Variants in ABR observed in about 807,000 individuals in gnomAD.
The protein encoded by ABR is ABR activator of RhoGEF and GTPase, also known as active breakpoint cluster region-related protein.
A neutral mutation model predicts 107.2 loss-of-function variants in ABR; 35 were observed. The ratio of observed to expected loss-of-function variants is 0.33; its 90% confidence interval spans 0.25 to 0.43. The LOEUF is 0.43. Among genes scored for constraint, ABR ranks in the 20% least tolerant of loss-of-function variants. The pLI is 1.00. For synonymous variants in ABR, 498 were observed against 462.0 expected, an observed-to-expected ratio of 1.08 and a Z score of -1.00; for missense variants, 815 against 1,115.2, an observed-to-expected ratio of 0.73 and a Z score of 3.83.
At position 1,113,080 on chromosome 17, in the gene ABR, C is replaced by T. The variant is rs574386237; in HGVS notation, c.246+12103G>A. On this transcript the variant is annotated intron_variant, in intron 2 of 22. Transcript: ENST00000302538. ...TGTGCACCAGGCAGTGTGCTAGCATCGGAATGCAGCCATGGACAGGGAACC... is the reference window on the plus strand; with the variant it reads ...TGTGCACCAGGCAGTGTGCTAGCATTGGAATGCAGCCATGGACAGGGAACC... 5.3e-5 allele frequency among the ~76,000 whole-genome samples: 8 copies of T among 149,778 alleles called. No homozygotes were observed. The South Asian group carries it at 1.7e-3, about 31-fold the overall frequency.
chr17:1,088,299 G>A (rs1269870016), intron 4 of ABR, among the ~76,000 whole-genome samples: 2 of 152,054 alleles, frequency 1.3e-5, no homozygotes, highest in Non-Finnish European at 2.9e-5. Flanking sequence ...GAGGGATGAG[G>A]AGAGGATGCC....
upstream of ABR, among the ~76,000 whole-genome samples, chr17:1,183,026 C>G (rs759824800): frequency 6.6e-6 from 1 of 152,276 alleles, no homozygotes; most frequent in Admixed American, 6.5e-5. Flanking sequence ...GGAGATCCAA[C>G]GTCACGCGCT....
intron 1 of ABR, among the ~76,000 whole-genome samples, chr17:1,214,470 A>C (rs1047676691): frequency 2.6e-5 from 4 of 152,178 alleles, no homozygotes; most frequent in African/African-American, 9.7e-5. Context: ...TAGCAATTTA[A>C]AGGAATATAA....
chr17:1,032,445 C>T lies in ABR; in HGVS notation c.1791+17605G>A, dbSNP rs576359988. On this transcript the variant is annotated intron_variant, in intron 16 of 22. Coordinates refer to ENST00000302538, the MANE Select transcript of ABR (RefSeq NM_021962.5). The stretch of plus-strand genomic sequence containing the variant: ...ACAGGAGCAAAAGCCCGAAACGACG[C>T]GGGTCACACGTCCAGCCAGAGATGC... Among the ~76,000 whole-genome samples, 11 of 152,306 alleles carry T rather than the reference C, an allele frequency of 7.2e-5. No individual in the cohort carries two copies. In the South Asian group the frequency reaches 1.9e-3, roughly 26 times the overall value.
intron 14 of ABR, among the ~76,000 whole-genome samples, chr17:1,052,059 G>C (rs1164568354): frequency 6.6e-6 from 1 of 150,600 alleles, no homozygotes; most frequent in African/African-American, 2.4e-5. Flanking sequence ...GGGCGACCAA[G>C]TGACTCTTTC....
chr17:1,197,360 G>C (rs868459191), intron 1 of ABR, among the ~76,000 whole-genome samples: 8 of 151,502 alleles, frequency 5.3e-5, no homozygotes, highest in Middle Eastern at 3.2e-3. Flanking sequence ...GAAAAAAATT[G>C]GGCAGGGTCA....
rs1309155049 is a variant in ABR, at chr17:1,154,884, C to G, written c.61+24783G>C. The G allele has an allele frequency of 1.3e-5, 2 of 152,412 alleles. No individual in the cohort carries two copies. Among genetic ancestry groups the G allele is most frequent in the Non-Finnish European group, 2.9e-5 (2 of 68,196 alleles). The allele number at this position is 152,412 out of a possible 1,614,324, so 9.4% of individuals were successfully genotyped here. ...CCACCCTGCATTTGTTCCCTCCTAC[C>G]TGGCCCTCACCAAGGCATCCACCCA... On this transcript the variant is annotated intron_variant, in intron 1 of 22. Coordinates refer to ENST00000302538, the MANE Select transcript of ABR (RefSeq NM_021962.5). The surrounding 1 kb of genome is among the most constrained non-coding windows in gnomAD (Gnocchi z 4.0).
intron 1 of ABR, among the ~76,000 whole-genome samples, chr17:1,134,595 C>T (rs34962013): frequency 0.058 from 8,791 of 152,222 alleles, 358 homozygotes; most frequent in Middle Eastern, 0.15. Flanking sequence ...AAATGATATC[C>T]TCACAGCCCA....
intron 16 of ABR, among the ~76,000 whole-genome samples, chr17:1,049,118 G>A (rs1481736915): frequency 6.6e-6 from 1 of 152,094 alleles, no homozygotes; most frequent in Non-Finnish European, 1.5e-5. Flanking sequence ...ACACACAGAG[G>A]CCTTTTCCCT....
intron 16 of ABR, among the ~76,000 whole-genome samples, chr17:1,018,244 G>T (rs375319265): frequency 7.4e-4 from 112 of 150,598 alleles, no homozygotes; most frequent in Admixed American, 3.9e-3. Context: ...GGGTTTCACC[G>T]TGTTAGCCAG....
intron 14 of ABR, 185 bp downstream of exon 14, chr17:1,055,850 G>T: frequency 1.7e-6 from 1 of 582,520 alleles, no homozygotes; most frequent in Non-Finnish European, 3.1e-6. Context: ...CAGCTTCAGG[G>T]AGGGCTTGAG....
chr17:1,108,959 C>T (rs1247427017), intron 2 of ABR: 1 of 1,596,330 alleles, frequency 6.3e-7, no homozygotes, highest in Non-Finnish European at 8.5e-7. Flanking sequence ...GAAGGGGGAC[C>T]CTGAGCCGGG....
intron 16 of ABR, among the ~76,000 whole-genome samples, chr17:1,035,378 C>A (rs1309673927): frequency 7.6e-6 from 1 of 131,356 alleles, no homozygotes; most frequent in Admixed American, 7.4e-5. Context: ...CCTGCTCCCC[C>A]ACCCCTTCCA....
intron 2 of ABR, among the ~76,000 whole-genome samples, chr17:1,106,245 T>C (rs1031415364): frequency 5.3e-5 from 8 of 152,288 alleles, no homozygotes; most frequent in Admixed American, 3.9e-4. Flanking sequence ...GATTGATTTA[T>C]GGGCCTGGCA....
chr17:1,229,031 G>T, exon 1 of ABR: 1 of 151,854 alleles, frequency 6.6e-6, no homozygotes, highest in South Asian at 2.0e-4. Flanking sequence ...GCCGCCCCCC[G>T]GGGATCAGGT....
chr17:1,048,789 G>C (rs2032053013), intron 16 of ABR, among the ~76,000 whole-genome samples: 1 of 151,750 alleles, frequency 6.6e-6, no homozygotes, highest in Non-Finnish European at 1.5e-5. Flanking sequence ...TCACGTCCGG[G>C]GCCACGGTCA....
intron 10 of ABR, among the ~76,000 whole-genome samples, chr17:1,060,462 G>A (rs2257845): frequency 0.084 from 12,855 of 152,156 alleles, 665 homozygotes; most frequent in South Asian, 0.2. Flanking sequence ...GACCCACTGT[G>A]GAGTAAAATG....
intron 1 of ABR, among the ~76,000 whole-genome samples, chr17:1,140,750 T>C (rs1333414892): frequency 6.6e-6 from 1 of 151,774 alleles, no homozygotes; most frequent in African/African-American, 2.4e-5. Context: ...GCCCGGCTAA[T>C]TTTTGTATTT....
intron 1 of ABR, among the ~76,000 whole-genome samples, chr17:1,153,374 G>T (rs1356867449): frequency 6.7e-6 from 1 of 148,324 alleles, no homozygotes; most frequent in Admixed American, 6.7e-5. Context: ...GCACACCTGC[G>T]GGAGGGCTGG....
Sources: gnomAD v4.1 joint callset for allele counts (sites outside exome capture counted in the v4.1 genomes callset) on GRCh38, gnomAD v4.1.1 for gene constraint, Gnocchi (gnomAD v3.1) non-coding constraint, MANE v1.5 for transcripts, NCBI Gene and HGNC (gene_info 2026-07-23, HGNC 2026-07-21) for gene names.